The following CAST variants were observed in gnomAD, a reference collection of about 807,000 sequenced individuals.
CAST encodes MIR583 host.
A neutral mutation model predicts 119.6 loss-of-function variants in CAST; 76 were observed. The ratio of observed to expected loss-of-function variants is 0.64; its 90% CI spans 0.53 to 0.77. The LOEUF (loss-of-function observed/expected upper bound fraction) is 0.77, where lower values mean the gene tolerates loss of function less well. Among genes scored for constraint, CAST ranks in the 30% least tolerant of loss-of-function variants. CAST has a pLI of 0.00. For synonymous variants in CAST, 319 were observed against 331.6 expected (o/e 0.96, Z 0.41); for missense variants, 953 against 946.5 (o/e 1.01, Z -0.09).
chr5:96,432,259 A>G, the CAST span: 2 of 768,804 alleles, frequency 2.6e-6, no homozygotes, highest in Non-Finnish European at 4.1e-6. Flanking sequence ...TTCACCCACC[A>G]TTTCTCCCCC....
At chr5:96,409,822 G>A in the CAST span, among the ~76,000 whole-genome samples, 1 of 152,196 alleles carries the variant, frequency 6.6e-6, no homozygotes, top group Non-Finnish European at 1.5e-5. Context: ...GTGAGAAGCA[G>A]GCCCACACTT....
At chr5:96,636,195 C>T (rs1747884992) in intron 1 of CAST, among the ~76,000 whole-genome samples, 1 of 152,188 alleles carries the variant, frequency 6.6e-6, no homozygotes, top group Non-Finnish European at 1.5e-5. Flanking sequence ...TTTAAGGCCT[C>T]ATGTCATCAA....
At chr5:96,224,833 G>A in the CAST span, among the ~76,000 whole-genome samples, 8 of 152,272 alleles carry the variant, frequency 5.3e-5, no homozygotes, top group African/African-American at 1.9e-4. Flanking sequence ...TAAGTACAAT[G>A]GAGAAAATAA....
intron 3 of CAST, among the ~76,000 whole-genome samples, chr5:96,697,709 G>T (rs1753464964): frequency 6.6e-6 from 1 of 152,176 alleles, no homozygotes; most frequent in African/African-American, 2.4e-5. Context: ...AAACAAATAT[G>T]AGTTTGGATT....
chr5:96,094,140 A>G, the CAST span, among the ~76,000 whole-genome samples: 1 of 152,240 alleles, frequency 6.6e-6, no homozygotes, highest in African/African-American at 2.4e-5. Flanking sequence ...ACAGAAAAAG[A>G]TCCCTGGAGC....
chr5:96,615,959 G>A (rs1308917775), intron 1 of CAST, among the ~76,000 whole-genome samples: 1 of 152,202 alleles, frequency 6.6e-6, no homozygotes, highest in East Asian at 1.9e-4. Flanking sequence ...GGAGTCCAAT[G>A]TTCAAGGGCA....
intron 1 of CAST, among the ~76,000 whole-genome samples, chr5:96,669,919 C>T (rs1749843049): frequency 6.6e-6 from 1 of 152,206 alleles, no homozygotes; most frequent in African/African-American, 2.4e-5. Flanking sequence ...TGGCAAGGCC[C>T]CATTCTATTC....
the CAST span, among the ~76,000 whole-genome samples, chr5:96,229,727 G>A: frequency 2.6e-5 from 4 of 151,966 alleles, no homozygotes; most frequent in South Asian, 2.1e-4. Flanking sequence ...TTTCACTCCC[G>A]TAATCTATTC....
At chr5:96,410,650 T>C in the CAST span, 1 of 816,880 alleles carries the variant, frequency 1.2e-6, no homozygotes, top group Non-Finnish European at 2.1e-6. Flanking sequence ...TAAGTGTGAG[T>C]TCTCCCAACT....
At chr5:96,436,867 C>T in the CAST span, among the ~76,000 whole-genome samples, 1 of 152,168 alleles carries the variant, frequency 6.6e-6, no homozygotes, top group Non-Finnish European at 1.5e-5. Context: ...GATATCTCCT[C>T]CCGTGACCAA....
intron 2 of CAST, among the ~76,000 whole-genome samples, chr5:96,690,094 C>G (rs931074324): frequency 2.0e-4 from 30 of 152,152 alleles, no homozygotes; most frequent in African/African-American, 7.0e-4. Flanking sequence ...AGGGGTTCCA[C>G]TTGAGATGAC....
At chr5:96,101,625 G>C in the CAST span, among the ~76,000 whole-genome samples, 3 of 152,120 alleles carry the variant, frequency 2.0e-5, no homozygotes, top group Admixed American at 1.3e-4. Flanking sequence ...TGTCAGACTT[G>C]TGACAGAAGT....
intron 1 of CAST, among the ~76,000 whole-genome samples, chr5:96,568,475 G>A (rs1329229357): frequency 6.8e-6 from 1 of 148,034 alleles, no homozygotes; most frequent in East Asian, 2.0e-4. Flanking sequence ...TAAGGCAGGA[G>A]AATCACTTGA....
the CAST span, chr5:96,392,874 A>C: frequency 1.0e-6 from 1 of 971,500 alleles, no homozygotes; most frequent in African/African-American, 1.6e-5. Flanking sequence ...AGGGAGAAAA[A>C]GAAAAGGTGC....
the CAST span, among the ~76,000 whole-genome samples, chr5:96,021,597 C>T: frequency 7.9e-5 from 12 of 152,118 alleles, no homozygotes; most frequent in Admixed American, 2.0e-4. Context: ...AGGCGCCCGC[C>T]ACCACGCCCA....
chr5:96,510,046 C>T, the CAST span, among the ~76,000 whole-genome samples: 1 of 152,048 alleles, frequency 6.6e-6, no homozygotes, highest in Non-Finnish European at 1.5e-5. Context: ...TAGAAAGTCA[C>T]AATATACTAT....
the CAST span, among the ~76,000 whole-genome samples, chr5:96,087,751 C>T: frequency 1.3e-5 from 2 of 152,166 alleles, no homozygotes; most frequent in African/African-American, 4.8e-5. Flanking sequence ...GTAGAGCTAA[C>T]GATGGCAAAT....
the CAST span, among the ~76,000 whole-genome samples, chr5:96,360,386 G>C: frequency 6.6e-6 from 1 of 152,034 alleles, no homozygotes; most frequent in Non-Finnish European, 1.5e-5. Flanking sequence ...CTGGTGAGTA[G>C]TTGTGATCCC....
At chr5:96,232,488 G>A in the CAST span, among the ~76,000 whole-genome samples, 1 of 152,038 alleles carries the variant, frequency 6.6e-6, no homozygotes, top group Non-Finnish European at 1.5e-5. Flanking sequence ...AGGACATTTG[G>A]AAAACCTAAG....
Sources: gnomAD v4.1 joint callset for allele counts (sites outside exome capture counted in the v4.1 genomes callset) on GRCh38, gnomAD v4.1.1 for gene constraint, MANE v1.5 for transcripts, NCBI Gene and HGNC (gene_info 2026-07-23, HGNC 2026-07-21) for gene names.